The following PABPC4L variants were observed in gnomAD, a reference collection of about 807,000 sequenced individuals.
PABPC4L encodes poly(A) binding protein cytoplasmic 4 like, also known as polyadenylate-binding protein 4-like.
For synonymous variants in PABPC4L, 169 were observed against 164.1 expected, an observed-to-expected ratio of 1.03 and a Z score of -0.23; for missense variants, 452 against 451.4, an observed-to-expected ratio of 1.00 and a Z score of -0.01.
chr4:134,031,286 C>T, the PABPC4L span, among the ~76,000 whole-genome samples: 1 of 151,452 alleles, frequency 6.6e-6, no homozygotes, highest in African/African-American at 2.4e-5. Context: ...CATTTTTTTC[C>T]TATTTGTTTT....
chr4:134,054,563 A>T, the PABPC4L span, among the ~76,000 whole-genome samples: 1 of 151,898 alleles, frequency 6.6e-6, no homozygotes, highest in South Asian at 2.1e-4. Flanking sequence ...CCTGACAAGC[A>T]CTAAACTCTT....
Position 134,199,922 on chromosome 4 carries a change from C to A in PABPC4L, c.1098G>T (p.Leu366Phe). The A allele has an allele frequency of 6.4e-7, 1 of 1,551,488 alleles. No individual in the cohort carries two copies. The highest frequency in any genetic ancestry group is 1.2e-5 in the South Asian group (1 of 84,048). Residue 366 changes from leucine to phenylalanine, a missense_variant, in exon 2 of 2, where the codon TTG (leucine) becomes TTT (phenylalanine). Transcript: ENST00000421491. ...ILGSKPLSIA[L>F]AQRH is the part of the protein sequence containing the mutation. ...TTTTTCTTTCCTAGTGTCTCTGGGC[C>A]AAGGCAATGCTAAGAGGTTTGGAGC...
At chr4:134,120,761 C>A in the PABPC4L span, among the ~76,000 whole-genome samples, 1 of 151,194 alleles carries the variant, frequency 6.6e-6, no homozygotes, top group Non-Finnish European at 1.5e-5. Flanking sequence ...CTGAATATTT[C>A]TCTTTATGTT....
At chr4:134,119,728 T>C in the PABPC4L span, among the ~76,000 whole-genome samples, 1 of 151,722 alleles carries the variant, frequency 6.6e-6, no homozygotes, top group Non-Finnish European at 1.5e-5. Context: ...CCTCTCATTA[T>C]GTTCTCCAAA....
the PABPC4L span, among the ~76,000 whole-genome samples, chr4:133,999,218 C>A: frequency 6.6e-6 from 1 of 151,954 alleles, no homozygotes; most frequent in African/African-American, 2.4e-5. Context: ...CTGTGTAAAA[C>A]CCAAATTTTT....
the PABPC4L span, among the ~76,000 whole-genome samples, chr4:134,126,274 T>A: frequency 6.6e-6 from 1 of 152,134 alleles, no homozygotes; most frequent in African/African-American, 2.4e-5. Context: ...CTATCCCCAC[T>A]GTCAAACTAC....
the PABPC4L span, among the ~76,000 whole-genome samples, chr4:134,126,463 C>A: frequency 6.6e-6 from 1 of 152,080 alleles, no homozygotes; most frequent in African/African-American, 2.4e-5. Context: ...GCACTAAATT[C>A]TTGACTTCTT....
At chr4:134,101,414 C>T in the PABPC4L span, among the ~76,000 whole-genome samples, 2 of 151,124 alleles carry the variant, frequency 1.3e-5, no homozygotes, top group Non-Finnish European at 3.0e-5. Flanking sequence ...TAAACTTGCC[C>T]AAAATTCTGC....
At chr4:134,094,627 G>C in the PABPC4L span, among the ~76,000 whole-genome samples, 1 of 151,748 alleles carries the variant, frequency 6.6e-6, no homozygotes, top group Non-Finnish European at 1.5e-5. Flanking sequence ...TGTAATAACA[G>C]ATTTTTCCAT....
the PABPC4L span, among the ~76,000 whole-genome samples, chr4:134,105,307 C>A: frequency 6.6e-6 from 1 of 151,430 alleles, no homozygotes; most frequent in Non-Finnish European, 1.5e-5. Flanking sequence ...ACAAAAATAG[C>A]CCAATATTTG....
chr4:133,975,570 A>G, the PABPC4L span, among the ~76,000 whole-genome samples: 2 of 152,168 alleles, frequency 1.3e-5, no homozygotes, highest in African/African-American at 4.8e-5. Flanking sequence ...TCTTTGGTAA[A>G]GATACACTGG....
At chr4:134,158,238 G>T in the PABPC4L span, among the ~76,000 whole-genome samples, 17 of 151,808 alleles carry the variant, frequency 1.1e-4, no homozygotes, top group Non-Finnish European at 2.5e-4. Context: ...TCTTAATTTT[G>T]TAAACCACTA....
At chr4:134,112,639 A>C in the PABPC4L span, among the ~76,000 whole-genome samples, 1 of 150,006 alleles carries the variant, frequency 6.7e-6, no homozygotes, top group African/African-American at 2.5e-5. Context: ...TATATCATCT[A>C]TCTATCTACA....
chr4:134,190,469 C>T, the PABPC4L span, among the ~76,000 whole-genome samples: 1 of 151,936 alleles, frequency 6.6e-6, no homozygotes, highest in African/African-American at 2.4e-5. Flanking sequence ...TTTTCTTCTA[C>T]TTTATTCTAA....
the PABPC4L span, chr4:133,978,861 A>G: frequency 6.6e-6 from 1 of 152,198 alleles, no homozygotes; most frequent in Non-Finnish European, 1.5e-5. Context: ...CTTTGCAGAT[A>G]ATAAAATTTC....
chr4:134,120,601 GA>G, the PABPC4L span, among the ~76,000 whole-genome samples: 1 of 150,862 alleles, frequency 6.6e-6, no homozygotes, highest in African/African-American at 2.4e-5. Flanking sequence ...CATTTTTGAA[GA>G]ATGATTTTAC....
At chr4:134,013,273 C>G in the PABPC4L span, among the ~76,000 whole-genome samples, 1 of 151,974 alleles carries the variant, frequency 6.6e-6, no homozygotes, top group East Asian at 1.9e-4. Context: ...CTTATTTCTG[C>G]ACCCCGACCT....
At chr4:134,171,260 T>C in the PABPC4L span, among the ~76,000 whole-genome samples, 1 of 152,008 alleles carries the variant, frequency 6.6e-6, no homozygotes, top group South Asian at 2.1e-4. Flanking sequence ...AGATTACAGG[T>C]GCATGCCATC....
chr4:134,020,214 T>C, the PABPC4L span, among the ~76,000 whole-genome samples: 2 of 151,986 alleles, frequency 1.3e-5, no homozygotes, highest in African/African-American at 4.8e-5. Flanking sequence ...GTAGTGAAAG[T>C]ACAGCTATTC....
Sources: allele counts gnomAD v4.1 joint callset (sites outside exome capture counted in the v4.1 genomes callset), GRCh38; gene constraint gnomAD v4.1.1; transcripts MANE v1.5; gene names NCBI Gene and HGNC (gene_info 2026-07-23, HGNC 2026-07-21).